The following GLIS3 variants were observed in gnomAD, a reference collection of about 807,000 sequenced individuals.
The protein encoded by GLIS3 is zinc finger protein GLIS3.
A neutral mutation model predicts 78.6 loss-of-function variants in GLIS3; 53 were observed. The observed-to-expected ratio is 0.67, with a 90% CI of 0.54 to 0.85. The LOEUF is 0.85. Ranked by LOEUF, GLIS3 falls within the 40% of genes least tolerant of loss-of-function variation. GLIS3 has a pLI of 0.00. For synonymous variants in GLIS3, 684 were observed against 509.9 expected (o/e 1.34, Z -4.60); for missense variants, 1,703 against 1,231.1 (o/e 1.38, Z -5.74).
chr9:4,231,440 T>C (rs1283000523), intron 2 of GLIS3, among the ~76,000 whole-genome samples: 1 of 152,152 alleles, frequency 6.6e-6, no homozygotes, highest in Non-Finnish European at 1.5e-5. Flanking sequence ...CTAATATCAA[T>C]TTCTGAAAAG....
chr9:4,297,702 C>T (rs926865300), intron 1 of GLIS3, among the ~76,000 whole-genome samples: 1 of 152,118 alleles, frequency 6.6e-6, no homozygotes, highest in Non-Finnish European at 1.5e-5. Context: ...TTTACATGCT[C>T]CAGAGATGAG....
rs376998444 is a variant in GLIS3, at chr9:4,257,586, T to TTGTTGTTGTTGTTGTTGTTGTTG, written c.388+28451_388+28452insCAACAACAACAACAACAACAACA. The stretch of plus-strand genomic sequence containing the variant: ...GTATATGTTGTTGTTGTTGTTGTTA[T>TTGTTGTTGTTGTTGTTGTTGTTG]TTTTTGAGACGGAGTCTCGCTCTGT... On this transcript the variant is annotated intron_variant, in intron 2 of 10. Transcript: ENST00000381971. Among the ~76,000 whole-genome samples, 1,477 of 150,450 alleles carry TTGTTGTTGTTGTTGTTGTTGTTG rather than the reference T, an allele frequency of 9.8e-3. 21 individuals carry two copies. Among genetic ancestry groups the TTGTTGTTGTTGTTGTTGTTGTTG allele is most frequent in the South Asian group, 0.036 (167 of 4,660 alleles).
chr9:4,458,455 T>C, the GLIS3 span, among the ~76,000 whole-genome samples: 1 of 152,182 alleles, frequency 6.6e-6, no homozygotes, highest in African/African-American at 2.4e-5. Context: ...CAAGTGATGA[T>C]GATGGTGATG....
chr9:4,195,303 G>A (rs1818715118), intron 2 of GLIS3, among the ~76,000 whole-genome samples: 1 of 152,196 alleles, frequency 6.6e-6, no homozygotes, highest in African/African-American at 2.4e-5. Flanking sequence ...TGGAGGGAGA[G>A]GCGCGGGTGG....
intron 7 of GLIS3, among the ~76,000 whole-genome samples, chr9:3,895,692 C>A (rs191332404): frequency 1.4e-4 from 22 of 152,306 alleles, no homozygotes; most frequent in African/African-American, 5.1e-4. Context: ...TCCAGAACTG[C>A]CATCTTCCCT....
chr9:3,987,630 G>C (rs1283339696), intron 4 of GLIS3, among the ~76,000 whole-genome samples: 2 of 150,604 alleles, frequency 1.3e-5, no homozygotes, highest in African/African-American at 4.9e-5. Context: ...CCAGGAGGCA[G>C]AGGTTACAGT....
the GLIS3 span, among the ~76,000 whole-genome samples, chr9:4,366,787 C>A: frequency 6.6e-6 from 1 of 152,162 alleles, no homozygotes; most frequent in African/African-American, 2.4e-5. Context: ...AATTTACCAA[C>A]CACCAACTGC....
chr9:4,081,953 T>G (rs1828585722), intron 4 of GLIS3, among the ~76,000 whole-genome samples: 1 of 152,136 alleles, frequency 6.6e-6, no homozygotes, highest in Non-Finnish European at 1.5e-5. Context: ...AATAGAAAAA[T>G]TCATGCTTCT....
At chr9:4,248,273 G>A (rs4741928) in intron 2 of GLIS3, among the ~76,000 whole-genome samples, 119,151 of 151,748 alleles carry the variant, frequency 0.79, 47,521 homozygotes, top group East Asian at 0.98. Flanking sequence ...AGTGTGTGAT[G>A]TTCCCCTCCA....
chr9:3,931,413 A>G (rs1298901452), intron 6 of GLIS3, among the ~76,000 whole-genome samples: 1 of 152,196 alleles, frequency 6.6e-6, no homozygotes, highest in Non-Finnish European at 1.5e-5. Context: ...AACCCTTGCC[A>G]TGGGGTTCAA....
rs1817872803 is a variant in GLIS3, at chr9:3,828,803, G to T, written c.2657-395C>A. Among the ~76,000 whole-genome samples the T allele has an allele frequency of 1.3e-5, 2 of 152,148 alleles. 1 individual carries two copies. The highest frequency in any genetic ancestry group is 2.9e-5 in the Non-Finnish European group (2 of 68,020). ...AAAGACAGAGAGGGAGAGGCATGTGGGGTCAAGGGTGCTGGCAAAGCTCAG... is the reference window on the plus strand; with the variant it reads ...AAAGACAGAGAGGGAGAGGCATGTGTGGTCAAGGGTGCTGGCAAAGCTCAG... On this transcript the variant is annotated intron_variant, in intron 10 of 10. Coordinates refer to ENST00000381971, the MANE Select transcript of GLIS3 (RefSeq NM_001042413.2).
intron 2 of GLIS3, among the ~76,000 whole-genome samples, chr9:4,161,532 C>T (rs1564134915): frequency 6.6e-6 from 1 of 152,098 alleles, no homozygotes; most frequent in African/African-American, 2.4e-5. Flanking sequence ...CTCTCCAACT[C>T]GTCCAGCCCC....
In GLIS3 at chr9:4,118,592, C is replaced by T; in HGVS notation, c.886G>A (p.Ala296Thr). The T allele has an allele frequency of 3.7e-6, 6 of 1,614,156 alleles. No individual in the cohort carries two copies. Among genetic ancestry groups the T allele is most frequent in the Non-Finnish European group, 5.1e-6 (6 of 1,180,018 alleles). ...GACAGCGCTCTCTTCTTGGAGCGGG[C>T]CGAGTGGGACCTGGTGGATGAGTGC... is the stretch of plus-strand genomic sequence containing the variant. ...PRHSSTRSHS[A>T]RSKKRALSLS... Residue 296 changes from alanine (A) to threonine (T), a missense_variant, in exon 4 of 11, where the codon GCC (alanine) becomes ACC (threonine). Transcript: ENST00000381971. The surrounding 1 kb of genome is among the most constrained non-coding windows in gnomAD (Gnocchi z 4.7).
the GLIS3 span, among the ~76,000 whole-genome samples, chr9:4,469,011 A>C: frequency 6.6e-6 from 1 of 152,222 alleles, no homozygotes. Context: ...ATAGACTCTA[A>C]ACCAACAAAG....
intron 7 of GLIS3, among the ~76,000 whole-genome samples, chr9:3,890,748 A>C (rs1822377526): frequency 6.7e-6 from 1 of 149,390 alleles, no homozygotes; most frequent in Non-Finnish European, 1.5e-5. Flanking sequence ...AAAACAAACC[A>C]AACAACAACA....
At chr9:3,914,136 GTTTCT>G (rs1824334675) in intron 6 of GLIS3, among the ~76,000 whole-genome samples, 1 of 151,572 alleles carries the variant, frequency 6.6e-6, no homozygotes, top group African/African-American at 2.4e-5. Context: ...CACTTGGGTA[GTTTCT>G]TTCTTTCTTT....
intron 4 of GLIS3, among the ~76,000 whole-genome samples, chr9:4,050,415 G>T (rs576045547): frequency 3.1e-4 from 47 of 152,204 alleles, no homozygotes; most frequent in African/African-American, 1.1e-3. Flanking sequence ...CTTGTACACA[G>T]GGCGGGGAAC....
At chr9:4,024,295 A>T (rs1026084031) in intron 4 of GLIS3, among the ~76,000 whole-genome samples, 23 of 152,334 alleles carry the variant, frequency 1.5e-4, no homozygotes, top group Admixed American at 1.5e-3. Flanking sequence ...TCTAATTAGC[A>T]TCACGGCTGT....
intron 4 of GLIS3, among the ~76,000 whole-genome samples, chr9:4,080,499 G>T (rs1263932634): frequency 6.6e-6 from 1 of 152,168 alleles, no homozygotes; most frequent in Non-Finnish European, 1.5e-5. Context: ...ATACTGCCCT[G>T]TTGTGCCATA....
Sources: allele counts gnomAD v4.1 joint callset (sites outside exome capture counted in the v4.1 genomes callset), GRCh38; gene constraint gnomAD v4.1.1; non-coding constraint Gnocchi (gnomAD v3.1); transcripts MANE v1.5; gene names NCBI Gene and HGNC (gene_info 2026-07-23, HGNC 2026-07-21).